Variants in NRXN1 observed in about 807,000 individuals in gnomAD.
NRXN1 encodes neurexin-1.
Under a neutral mutation model 150.9 loss-of-function variants are expected in NRXN1, and 39 were observed. The ratio of observed to expected loss-of-function variants is 0.26; its 90% CI spans 0.20 to 0.34. NRXN1 has a LOEUF of 0.34. NRXN1 is among the 10% of genes least tolerant of loss of function. The pLI is 1.00. For synonymous variants in NRXN1, 924 were observed against 757.0 expected, an observed-to-expected ratio of 1.22 and a Z score of -3.62; for missense variants, 1,815 against 1,949.9, an observed-to-expected ratio of 0.93 and a Z score of 1.30.
intron 18 of NRXN1, among the ~76,000 whole-genome samples, chr2:50,110,722 T>C (rs1170985922): frequency 1.3e-5 from 2 of 152,164 alleles, no homozygotes; most frequent in Non-Finnish European, 2.9e-5. Context: ...TTCTCCATTA[T>C]TGGATAATAG....
intron 8 of NRXN1, among the ~76,000 whole-genome samples, chr2:50,588,425 G>C (rs747702543): frequency 2.2e-4 from 34 of 152,216 alleles, no homozygotes; most frequent in South Asian, 4.1e-4. Context: ...GAAGTGTGTA[G>C]AACATATACA....
intron 17 of NRXN1, among the ~76,000 whole-genome samples, chr2:50,396,901 T>C (rs543028126): frequency 6.6e-6 from 1 of 152,156 alleles, no homozygotes; most frequent in Non-Finnish European, 1.5e-5. Flanking sequence ...CCTTAAGATT[T>C]GGACTTAAGG....
At chr2:50,664,094 C>T (rs933359198) in intron 5 of NRXN1, among the ~76,000 whole-genome samples, 17 of 151,962 alleles carry the variant, frequency 1.1e-4, no homozygotes, top group Admixed American at 1.3e-4. Flanking sequence ...AGCTTACAGT[C>T]TATTATGGCA....
intron 5 of NRXN1, among the ~76,000 whole-genome samples, chr2:50,802,575 A>G (rs943034166): frequency 2.0e-5 from 3 of 150,080 alleles, no homozygotes; most frequent in East Asian, 3.9e-4. Context: ...GGAAGGAGAG[A>G]GACAGAGAGA....
At chr2:50,162,260 G>A (rs1008509758) in intron 18 of NRXN1, among the ~76,000 whole-genome samples, 45 of 152,038 alleles carry the variant, frequency 3.0e-4, no homozygotes, top group African/African-American at 1.0e-3. Context: ...CATCATTACT[G>A]GCACTAGTAT....
At chr2:50,880,866 G>T (rs1396807144) in intron 5 of NRXN1, among the ~76,000 whole-genome samples, 1 of 151,822 alleles carries the variant, frequency 6.6e-6, no homozygotes, top group East Asian at 2.0e-4. Context: ...CCATCCAAAG[G>T]TTCCCTGCCT....
intron 2 of NRXN1, among the ~76,000 whole-genome samples, chr2:50,959,760 GCACACATA>G (rs1265413466): frequency 6.6e-6 from 1 of 151,946 alleles, no homozygotes; most frequent in Non-Finnish European, 1.5e-5. Flanking sequence ...TACATGTTAT[GCACACATA>G]CACACATATG....
At chr2:50,617,795 C>A (rs563052244) in intron 8 of NRXN1, among the ~76,000 whole-genome samples, 5 of 152,034 alleles carry the variant, frequency 3.3e-5, no homozygotes, top group Non-Finnish European at 7.4e-5. Context: ...AAAATGAATA[C>A]TAAGGTAAGG....
At chr2:50,439,890 T>G (rs1172246276) in intron 17 of NRXN1, among the ~76,000 whole-genome samples, 1 of 152,038 alleles carries the variant, frequency 6.6e-6, no homozygotes, top group East Asian at 1.9e-4. Flanking sequence ...TAGATTTATC[T>G]TCATGTTACA....
At chr2:50,913,466 C>G (rs571145816) in intron 5 of NRXN1, among the ~76,000 whole-genome samples, 1 of 151,862 alleles carries the variant, frequency 6.6e-6, no homozygotes, top group African/African-American at 2.4e-5. Context: ...CCAGGTAACT[C>G]AAGCCAAAGA....
At chr2:50,759,042 A>C (rs952471880) in intron 5 of NRXN1, among the ~76,000 whole-genome samples, 16 of 151,984 alleles carry the variant, frequency 1.1e-4, no homozygotes, top group Non-Finnish European at 2.2e-4. Flanking sequence ...CCAATAATAA[A>C]AAGCTATAAT....
At chr2:50,866,536 T>G (rs770457974) in intron 5 of NRXN1, among the ~76,000 whole-genome samples, 1 of 151,932 alleles carries the variant, frequency 6.6e-6, no homozygotes, top group Non-Finnish European at 1.5e-5. Flanking sequence ...TCCATGGCTG[T>G]CATGAAAGTA....
intron 17 of NRXN1, among the ~76,000 whole-genome samples, chr2:50,452,507 C>T (rs1008077791): frequency 2.6e-5 from 4 of 151,826 alleles, no homozygotes; most frequent in Non-Finnish European, 4.4e-5. Flanking sequence ...GGATTACAGC[C>T]GAAGAATCTT....
chr2:50,233,677 A>T (rs1459379292), intron 18 of NRXN1, among the ~76,000 whole-genome samples: 1 of 152,120 alleles, frequency 6.6e-6, no homozygotes, highest in Non-Finnish European at 1.5e-5. Flanking sequence ...AGTTTAATGG[A>T]TAATGAATAA....
intron 2 of NRXN1, among the ~76,000 whole-genome samples, chr2:50,989,316 T>TA (rs1253594841): frequency 1.3e-5 from 2 of 151,994 alleles, no homozygotes; most frequent in African/African-American, 4.8e-5. Flanking sequence ...ATACAATTGT[T>TA]AAAGTTATTT....
At chr2:50,779,013 C>T (rs1021516774) in intron 5 of NRXN1, among the ~76,000 whole-genome samples, 1 of 152,126 alleles carries the variant, frequency 6.6e-6, no homozygotes, top group African/African-American at 2.4e-5. Flanking sequence ...CTATATACAT[C>T]TACATTTTTT....
In NRXN1 at chr2:51,028,419, G is replaced by C. The variant is rs1670970582; in HGVS notation, c.-146C>G. ...AGAGGGATGTGCCCTCCTTTATCTA[G>C]TTCTTTTTTTCTTCTTCTTCTTCCA... On this transcript the variant is annotated 5_prime_UTR_variant, in exon 2 of 23. Coordinates refer to ENST00000401669, the MANE Select transcript of NRXN1 (RefSeq NM_001330078.2). 4.2e-6 allele frequency: 2 copies of C among 481,196 alleles called. No individual in the cohort carries two copies. The highest frequency in any genetic ancestry group is 2.0e-5 in the African/African-American group (1 of 50,200). 29.8% of individuals were successfully genotyped at this position (481,196 alleles called of 1,614,324 possible).
chr2:51,020,283 C>T (rs993204251), intron 2 of NRXN1, among the ~76,000 whole-genome samples: 4 of 151,496 alleles, frequency 2.6e-5, no homozygotes, highest in African/African-American at 9.7e-5. Flanking sequence ...AGAATTATAT[C>T]GTATGCACTC....
In NRXN1 at chr2:50,580,454, A is replaced by G. The variant is rs181228190; in HGVS notation, c.1321-27429T>C. Among the ~76,000 whole-genome samples the G allele has an allele frequency of 1.7e-3, 253 of 152,306 alleles. 2 individuals carry two copies. The highest frequency in any genetic ancestry group is 6.0e-3 in the African/African-American group (249 of 41,564). Reference sequence around the variant, plus strand: ...TTAACTAAGGTCTGAAAATGTCTATAATTATTTTTAGTTGTTACTTGATTA... The same window carrying G: ...TTAACTAAGGTCTGAAAATGTCTATGATTATTTTTAGTTGTTACTTGATTA... On this transcript the variant is annotated intron_variant, in intron 8 of 22. Coordinates refer to ENST00000401669, the MANE Select transcript of NRXN1 (RefSeq NM_001330078.2).
Sources: allele counts gnomAD v4.1 joint callset (sites outside exome capture counted in the v4.1 genomes callset), GRCh38; gene constraint gnomAD v4.1.1; transcripts MANE v1.5; gene names NCBI Gene and HGNC (gene_info 2026-07-23, HGNC 2026-07-21).